Variants in PIEZO1 observed in about 807,000 individuals in gnomAD.
The protein encoded by PIEZO1 is piezo type mechanosensitive ion channel component 1 (Er blood group).
PIEZO1 carries 296 observed loss-of-function variants against 297.2 expected under a neutral mutation model. That is an observed-to-expected ratio of 1.00 (90% CI 0.91 to 1.10). The LOEUF (loss-of-function observed/expected upper bound fraction) is 1.10, where lower values mean the gene tolerates loss of function less well. PIEZO1 is among the 50% of genes least tolerant of loss of function. The pLI, the probability that PIEZO1 is intolerant of heterozygous loss-of-function variation, is 0.00. For synonymous variants in PIEZO1, 2,427 were observed against 1,507.5 expected (o/e 1.61, Z -14.13); for missense variants, 5,018 against 3,455.5 (o/e 1.45, Z -11.34).
chr16:88,721,453 G>A (rs1412280095), intron 38 of PIEZO1, 23 bp from the exon 39 acceptor site: 1 of 1,541,278 alleles, frequency 6.5e-7, no homozygotes, highest in Non-Finnish European at 8.8e-7. Context: ...AGGGTGTGGT[G>A]AGGGGGCCTT....
rs1247519470 is a variant in PIEZO1 at position 88,717,127 on chromosome 16, T to C, written c.6556A>G (p.Ile2186Val). Residue 2186 changes from isoleucine (I) to valine (V), a missense_variant, in exon 45 of 51, where the codon ATC (isoleucine) becomes GTC (valine). Ile to Val is a conservative substitution (Grantham distance 29, BLOSUM62 3). Transcript: ENST00000301015. Reference sequence around the variant, plus strand: ...ATGAAGAGCAGTGGGAACCAGATGATGGCGATGAGGAAGAGGATGATGAGG... The same window carrying C: ...ATGAAGAGCAGTGGGAACCAGATGACGGCGATGAGGAAGAGGATGATGAGG... ...GGLIILFLIA[I>V]IWFPLLFMSL... 3.9e-6 allele frequency: 6 copies of C among 1,551,268 alleles called. No homozygotes were observed. Among genetic ancestry groups the C allele is most frequent in the South Asian group, 1.2e-5 (1 of 84,072 alleles).
intron 1 of PIEZO1, among the ~76,000 whole-genome samples, chr16:88,780,010 TTACA>T (rs1229317579): frequency 1.3e-5 from 2 of 152,106 alleles, no homozygotes; most frequent in Admixed American, 6.5e-5. Flanking sequence ...ACGGTGTCAC[TTACA>T]GGGGAGGAAA....
chr16:88,720,699 G>A lies in PIEZO1; in HGVS notation c.5718C>T (p.Pro1906=), dbSNP rs997555489. Reference sequence around the variant, plus strand: ...GGCTTGGCCTCTTCTCTCTCCCCGTGGGGGCCTCTTTCTCTTCCTCCCCCT... The same window carrying A: ...GGCTTGGCCTCTTCTCTCTCCCCGTAGGGGCCTCTTTCTCTTCCTCCCCCT... ...EEEGEEEKEA[P]TGREKRPSRS... is the part of the protein sequence containing the mutation. The change falls in exon 40 of 51, where the codon CCC becomes CCT. Residue 1906 remains proline (P), a synonymous_variant. Coordinates refer to ENST00000301015, the MANE Select transcript of PIEZO1 (RefSeq NM_001142864.4). The A allele has an allele frequency of 1.7e-5, 26 of 1,536,968 alleles. No individual in the cohort carries two copies. The African/African-American group carries it at 3.0e-4, about 18-fold the overall frequency.
Position 88,717,090 on chromosome 16 carries a change from C to T in PIEZO1, c.6593G>A (p.Arg2198His), listed in dbSNP as rs745404771. 28 of 1,551,066 alleles carry T rather than the reference C, an allele frequency of 1.8e-5. No homozygotes were observed. The highest frequency in any genetic ancestry group is 3.9e-5 in the Admixed American group (2 of 50,994). ...CTGGTTGACAACCCCAACCACGGAG[C>T]GCACCAGCGACATGAAGAGCAGTGG... ...WFPLLFMSLV[R>H]SVVGVVNQPI... The change falls in exon 45 of 51, where the codon CGC becomes CAC. Residue 2198 changes from arginine (R) to histidine (H), a missense_variant. By Grantham distance (29) the Arg-to-His change is conservative. Transcript: ENST00000301015.
Position 88,719,889 on chromosome 16 carries a change from T to C in PIEZO1, c.6236A>G (p.Tyr2079Cys). 6.4e-7 allele frequency: 1 copy of C among 1,550,446 alleles called. No individual in the cohort carries two copies. Among genetic ancestry groups the C allele is most frequent in the South Asian group, 1.2e-5 (1 of 84,064 alleles). Reference protein sequence around the residue: ...VKCIYFALSAYQIRCGYPTRI... With the variant: ...VKCIYFALSACQIRCGYPTRI... ...GGTGGGGTAGCCGCAGCGGATCTGGTAGGCGGACAGGGCGAAGTAGATGCA... is the reference window on the plus strand; with the variant it reads ...GGTGGGGTAGCCGCAGCGGATCTGGCAGGCGGACAGGGCGAAGTAGATGCA... The change falls in exon 43 of 51, where the codon TAC becomes TGC. Residue 2079 changes from tyrosine to cysteine, a missense_variant. Tyr to Cys is a radical substitution (Grantham distance 194). Coordinates refer to ENST00000301015, the MANE Select transcript of PIEZO1 (RefSeq NM_001142864.4).
rs1027314252 is a variant in PIEZO1 at position 88,722,279 on chromosome 16, C to T, written c.4894G>A (p.Glu1632Lys). 25 of 1,548,470 alleles carry T rather than the reference C, an allele frequency of 1.6e-5. No individual in the cohort carries two copies. Among genetic ancestry groups the T allele is most frequent in the African/African-American group, 1.4e-4 (10 of 73,056 alleles). ...CCCTGGTACAGAGAGGCACCAGCCT[C>T]ACGCTCCCCGGGGTCGGTGACTGCC... is the stretch of plus-strand genomic sequence containing the variant. ...EEAVTDPGER[E>K]AGASLYQGLM... The change falls in exon 36 of 51, where the codon GAG (glutamate) becomes AAG (lysine). Residue 1632 changes from glutamate to lysine, a missense_variant. Coordinates refer to ENST00000301015, the MANE Select transcript of PIEZO1 (RefSeq NM_001142864.4).
chr16:88,721,721 C>G lies in PIEZO1; in HGVS notation c.5220G>C (p.Ala1740=), dbSNP rs912392507. ...ACTGGAACAGGTACTTGACGACCACCGCGATCTGTGGGGGAGGGGGCTCAG... is the reference window on the plus strand; with the variant it reads ...ACTGGAACAGGTACTTGACGACCACGGCGATCTGTGGGGGAGGGGGCTCAG... The part of the protein sequence containing the change: ...WMTAIVFTEI[A]VVVKYLFQFG... Residue 1740 remains alanine, a synonymous_variant, in exon 38 of 51, where the codon GCG becomes GCC. Transcript: ENST00000301015. 1.9e-6 allele frequency: 3 copies of G among 1,541,268 alleles called. No individual in the cohort carries two copies. Among genetic ancestry groups the G allele is most frequent in the African/African-American group, 1.4e-5 (1 of 72,944 alleles).
chr16:88,777,223 G>A (rs538062356), intron 1 of PIEZO1, among the ~76,000 whole-genome samples: 4 of 152,324 alleles, frequency 2.6e-5, no homozygotes, highest in South Asian at 4.1e-4. Context: ...CACCCGTCTC[G>A]GCCTCCCAAA....
chr16:88,727,812 T>C (rs1431767594), intron 22 of PIEZO1, 151 bp from the exon 23 acceptor site: 6 of 443,098 alleles, frequency 1.4e-5, no homozygotes, highest in Non-Finnish European at 2.0e-5. Flanking sequence ...CTGACAGCTC[T>C]AGTGTCCTGT....
intron 1 of PIEZO1, among the ~76,000 whole-genome samples, chr16:88,776,201 G>A (rs1344124697): frequency 1.3e-5 from 2 of 152,258 alleles, no homozygotes; most frequent in Non-Finnish European, 2.9e-5. Flanking sequence ...CTGGGAGGCC[G>A]AGGCGGGTGG....
chr16:88,776,656 G>C (rs1013628602), intron 1 of PIEZO1, among the ~76,000 whole-genome samples: 2 of 152,312 alleles, frequency 1.3e-5, no homozygotes, highest in East Asian at 1.9e-4. Flanking sequence ...GGAGGGAACT[G>C]GGGGGCCACA....
At chr16:88,718,120 G>C (rs1413402232) in intron 44 of PIEZO1, 2 of 187,470 alleles carry the variant, frequency 1.1e-5, no homozygotes, top group Non-Finnish European at 1.1e-5. Context: ...CATTTCCCCA[G>C]AGAAGATACA....
At position 88,761,098 on chromosome 16, in the gene PIEZO1, T is replaced by A. The variant is rs1200260865; in HGVS notation, c.65-11619A>T. Among the ~76,000 whole-genome samples, 4 of 152,054 alleles carry A rather than the reference T, an allele frequency of 2.6e-5. No individual in the cohort carries two copies. The East Asian group carries it at 7.7e-4, about 29-fold the overall frequency. ...GCAGGGCAGGGTGGGGGTCCGTCTGTGAAGAAGGTGACTGTGCAGGAACAG... is the reference window on the plus strand; with the variant it reads ...GCAGGGCAGGGTGGGGGTCCGTCTGAGAAGAAGGTGACTGTGCAGGAACAG... On this transcript the variant is annotated intron_variant, in intron 1 of 50. Coordinates refer to ENST00000301015, the MANE Select transcript of PIEZO1 (RefSeq NM_001142864.4).
intron 45 of PIEZO1, 54 bp from the exon 46 acceptor site, chr16:88,716,952 G>A (rs2142750809): frequency 6.5e-7 from 1 of 1,544,494 alleles, no homozygotes. Context: ...AGGAGCGGCT[G>A]GGGGTGGTGC....
At position 88,751,461 on chromosome 16, in the gene PIEZO1, C is replaced by T. The variant is rs1417915536; in HGVS notation, c.65-1982G>A. Among the ~76,000 whole-genome samples, 12 of 152,346 alleles carry T rather than the reference C, an allele frequency of 7.9e-5. No homozygotes were observed. The South Asian group carries it at 1.4e-3, about 18-fold the overall frequency. ...GAAAGAATCGCGCTCGGCGCTGCTA[C>T]GGGCTCAAGGCGGCCTCGGCTTAGC... On this transcript the variant is annotated intron_variant, in intron 1 of 50. Transcript: ENST00000301015.
chr16:88,725,570 G>C, intron 28 of PIEZO1, 25 bp downstream of exon 28: 1 of 1,530,554 alleles, frequency 6.5e-7, no homozygotes. Flanking sequence ...AGGAGCCGGG[G>C]AGTCCCCGCC....
intron 1 of PIEZO1, among the ~76,000 whole-genome samples, chr16:88,761,290 A>G (rs2142885190): frequency 1.3e-5 from 2 of 152,336 alleles, no homozygotes; most frequent in Middle Eastern, 3.4e-3. Context: ...ATGAGCACAC[A>G]GAGGCTGCAG....
In PIEZO1 at chr16:88,720,299, C is replaced by T. The variant is rs1912337628; in HGVS notation, c.5950-16G>A. 2 of 1,550,230 alleles carry T rather than the reference C, an allele frequency of 1.3e-6. No individual in the cohort carries two copies. Among genetic ancestry groups the T allele is most frequent in the African/African-American group, 1.4e-5 (1 of 73,136 alleles). Reference sequence around the variant, plus strand: ...CCGAGTGCTTCTGTGGCCAGGAGAGCACAGGTCAGGGGGAGCCAAGCCCAG... The same window carrying T: ...CCGAGTGCTTCTGTGGCCAGGAGAGTACAGGTCAGGGGGAGCCAAGCCCAG... On this transcript the variant is annotated splice_polypyrimidine_tract_variant and intron_variant, in intron 41 of 50. Coordinates refer to ENST00000301015, the MANE Select transcript of PIEZO1 (RefSeq NM_001142864.4).
intron 1 of PIEZO1, among the ~76,000 whole-genome samples, chr16:88,773,541 G>A (rs1001728172): frequency 6.6e-6 from 1 of 152,238 alleles, no homozygotes; most frequent in Non-Finnish European, 1.5e-5. Context: ...AAACCCTGGG[G>A]GCTCAAGGCC....
Sources: gnomAD v4.1 joint callset for allele counts (sites outside exome capture counted in the v4.1 genomes callset) on GRCh38, gnomAD v4.1.1 for gene constraint, MANE v1.5 for transcripts, NCBI Gene and HGNC (gene_info 2026-07-23, HGNC 2026-07-21) for gene names.